NALCN: variants seen among roughly 807,000 people sequenced by gnomAD.
NALCN encodes sodium leak channel, non-selective.
NALCN carries 111 observed loss-of-function variants against 225.3 expected under a neutral mutation model. The observed-to-expected ratio is 0.49, with a 90% CI of 0.42 to 0.58. The LOEUF is 0.58. NALCN is among the 20% of genes least tolerant of loss of function. NALCN has a pLI of 0.00. For missense variants in NALCN, 1,378 were observed against 2,202.4 expected (o/e 0.63, Z 7.49); for synonymous variants, 764 against 769.0 (o/e 0.99, Z 0.11).
At chr13:101,096,520 T>TC (rs762524787) in intron 27 of NALCN, among the ~76,000 whole-genome samples, 19 of 152,170 alleles carry the variant, frequency 1.2e-4, no homozygotes, top group Non-Finnish European at 2.2e-4. Context: ...AACAGTGAAC[T>TC]CTATAGAGAC....
chr13:101,303,619 C>T (rs752845534), intron 7 of NALCN, among the ~76,000 whole-genome samples: 5 of 152,220 alleles, frequency 3.3e-5, no homozygotes, highest in East Asian at 1.9e-4. Context: ...CGGTCATTCA[C>T]GGAATATGGT....
intron 1 of NALCN, among the ~76,000 whole-genome samples, chr13:101,412,225 G>A (rs1225376487): frequency 6.6e-6 from 1 of 152,180 alleles, no homozygotes; most frequent in African/African-American, 2.4e-5. Flanking sequence ...AAACATGGCT[G>A]TGTTCCATGC....
At chr13:101,266,206 T>C (rs754417311) in intron 10 of NALCN, among the ~76,000 whole-genome samples, 1 of 152,154 alleles carries the variant, frequency 6.6e-6, no homozygotes, top group Non-Finnish European at 1.5e-5. Context: ...TATTTCAGTC[T>C]TGGAAAGCAC....
In NALCN at chr13:101,289,179, C is replaced by G. The variant is rs112763241; in HGVS notation, c.1047+2811G>C. 1.9e-4 allele frequency among the ~76,000 whole-genome samples: 29 copies of G among 152,278 alleles called. No homozygotes were observed. The South Asian group carries it at 4.6e-3, about 24-fold the overall frequency. ...CTGAGCACAAGGCAATAGTTACCCA[C>G]GTCTAAGAATCAGGCAGGTATGAAA... On this transcript the variant is annotated intron_variant, in intron 9 of 43. Coordinates refer to ENST00000251127, the MANE Select transcript of NALCN (RefSeq NM_052867.4).
At chr13:101,112,668 G>T (rs1445935824) in intron 18 of NALCN, among the ~76,000 whole-genome samples, 1 of 152,166 alleles carries the variant, frequency 6.6e-6, no homozygotes. Flanking sequence ...CAAATCTAAT[G>T]ATACTCTATT....
intron 3 of NALCN, among the ~76,000 whole-genome samples, chr13:101,383,764 T>G (rs2046913085): frequency 6.6e-6 from 1 of 152,218 alleles, no homozygotes; most frequent in Admixed American, 6.5e-5. Context: ...GACGAGATTA[T>G]GAGATGACTT....
chr13:101,373,044 G>T, intron 6 of NALCN: 1 of 382,804 alleles, frequency 2.6e-6, no homozygotes, highest in Non-Finnish European at 5.2e-6. Flanking sequence ...ATAATCAGAG[G>T]GCATTTGTAT....
chr13:101,405,503 T>G (rs1340059612), intron 1 of NALCN, among the ~76,000 whole-genome samples: 1 of 152,212 alleles, frequency 6.6e-6, no homozygotes, highest in Non-Finnish European at 1.5e-5. Context: ...TCTGCCCAGC[T>G]GAGTGTCCTC....
chr13:101,242,865 C>G (rs1452704896), intron 11 of NALCN, among the ~76,000 whole-genome samples: 1 of 105,856 alleles, frequency 9.4e-6, no homozygotes, highest in Non-Finnish European at 2.1e-5. Context: ...TCTCAGTAGT[C>G]TATGTATATT....
In NALCN at chr13:101,083,090, A is replaced by T; in HGVS notation, c.3690+2T>A. 6.2e-7 allele frequency: 1 copy of T among 1,613,932 alleles called. No individual in the cohort carries two copies. The highest frequency in any genetic ancestry group is 8.5e-7 in the Non-Finnish European group (1 of 1,179,860). Reference sequence around the variant, plus strand: ...CCGGAGTCTTAGGGTGAAACGAAGTACCTTGACAGAGAGCAACACCGACTG... The same window carrying T: ...CCGGAGTCTTAGGGTGAAACGAAGTTCCTTGACAGAGAGCAACACCGACTG... On this transcript the variant is annotated splice_donor_variant, in intron 32 of 43. Coordinates refer to ENST00000251127, the MANE Select transcript of NALCN (RefSeq NM_052867.4). LOFTEE classifies it high-confidence loss of function.
At chr13:101,165,460 T>C (rs2038393139) in intron 15 of NALCN, among the ~76,000 whole-genome samples, 1 of 152,210 alleles carries the variant, frequency 6.6e-6, no homozygotes, top group Non-Finnish European at 1.5e-5. Flanking sequence ...TTTGCCATCT[T>C]GATCATTTTT....
chr13:101,324,018 T>C (rs1005027727), intron 7 of NALCN, among the ~76,000 whole-genome samples: 1 of 152,160 alleles, frequency 6.6e-6, no homozygotes, highest in Admixed American at 6.5e-5. Context: ...GGAAGCAACG[T>C]TTAACTTAGT....
chr13:101,137,804 G>A (rs650507), intron 17 of NALCN, among the ~76,000 whole-genome samples: 13,440 of 152,226 alleles, frequency 0.088, 780 homozygotes, highest in African/African-American at 0.16. Context: ...GTACAGTTTA[G>A]TAACAGTAAC....
At chr13:101,304,054 G>A (rs549248020) in intron 7 of NALCN, among the ~76,000 whole-genome samples, 1 of 152,228 alleles carries the variant, frequency 6.6e-6, no homozygotes, top group East Asian at 1.9e-4. Flanking sequence ...CCAATGCAGG[G>A]TATTCATAAG....
chr13:101,157,248 C>A (rs1186505183), intron 15 of NALCN, among the ~76,000 whole-genome samples: 1 of 152,114 alleles, frequency 6.6e-6, no homozygotes, highest in Non-Finnish European at 1.5e-5. Context: ...ACATGTATTT[C>A]CCTGCTCTTC....
chr13:101,307,791 C>T (rs930519104), intron 7 of NALCN, among the ~76,000 whole-genome samples: 34 of 152,282 alleles, frequency 2.2e-4, no homozygotes, highest in African/African-American at 7.9e-4. Context: ...GCACTCTTAG[C>T]TCCTCAAATG....
chr13:101,106,714 C>T (rs1411953242), intron 22 of NALCN, among the ~76,000 whole-genome samples: 1 of 152,034 alleles, frequency 6.6e-6, no homozygotes, highest in Non-Finnish European at 1.5e-5. Context: ...ACTTCCCTCT[C>T]TTGTCTGCTG....
chr13:101,400,426 T>C (rs1775351702), intron 1 of NALCN, among the ~76,000 whole-genome samples: 1 of 152,102 alleles, frequency 6.6e-6, no homozygotes, highest in Admixed American at 6.6e-5. Context: ...ACTGCAGTTT[T>C]AACATCAGGC....
chr13:101,145,169 C>T (rs1043124106), intron 15 of NALCN, among the ~76,000 whole-genome samples: 1 of 152,032 alleles, frequency 6.6e-6, no homozygotes, highest in African/African-American at 2.4e-5. Context: ...ATTTTATTCC[C>T]AAAGACAAGT....
Sources: gnomAD v4.1 joint callset for allele counts (sites outside exome capture counted in the v4.1 genomes callset) on GRCh38, gnomAD v4.1.1 for gene constraint, MANE v1.5 for transcripts, NCBI Gene and HGNC (gene_info 2026-07-23, HGNC 2026-07-21) for gene names.